TDRD3: variants seen among roughly 807,000 people sequenced by gnomAD.
TDRD3 encodes tudor domain containing 3, also known as tudor domain-containing protein 3.
A neutral mutation model predicts 86.7 loss-of-function variants in TDRD3; 45 were observed. That is an observed-to-expected ratio of 0.52 (90% CI 0.41 to 0.67). TDRD3 has a LOEUF of 0.67. Among genes scored for constraint, TDRD3 ranks in the 30% least tolerant of loss-of-function variants. The probability of loss-of-function intolerance (pLI) is 0.00; values close to 1 mark genes in which losing one functional copy is unlikely to be tolerated. For synonymous variants in TDRD3, 298 were observed against 301.7 expected, an observed-to-expected ratio of 0.99 and a Z score of 0.13; for missense variants, 814 against 889.0, an observed-to-expected ratio of 0.92 and a Z score of 1.07.
At chr13:60,492,917 CTTTTTT>C (rs71199004) in intron 7 of TDRD3, among the ~76,000 whole-genome samples, 1 of 115,470 alleles carries the variant, frequency 8.7e-6, no homozygotes, top group South Asian at 2.9e-4. Flanking sequence ...TCTTTCTTTT[CTTTTTT>C]TTTTTTTTTT....
chr13:60,569,388 A>T (rs527830049), intron 13 of TDRD3, among the ~76,000 whole-genome samples: 1 of 152,314 alleles, frequency 6.6e-6, no homozygotes, highest in South Asian at 2.1e-4. Context: ...CTCTACAATG[A>T]AAACTGTAAA....
At chr13:60,412,783 T>C (rs1954396532) in intron 1 of TDRD3, among the ~76,000 whole-genome samples, 2 of 152,152 alleles carry the variant, frequency 1.3e-5, no homozygotes, top group Admixed American at 1.3e-4. Context: ...TAGTGGTCTT[T>C]TAAAATGGTT....
intron 12 of TDRD3, among the ~76,000 whole-genome samples, chr13:60,553,710 C>A (rs1336703036): frequency 6.6e-6 from 1 of 152,094 alleles, no homozygotes; most frequent in Non-Finnish European, 1.5e-5. Context: ...AAACCATCAG[C>A]TCTCATGAGA....
intron 5 of TDRD3, among the ~76,000 whole-genome samples, chr13:60,467,774 A>G (rs1036611552): frequency 1.3e-5 from 2 of 152,202 alleles, no homozygotes; most frequent in African/African-American, 2.4e-5. Context: ...ATTTCACTGT[A>G]ATGGAGGAGT....
intron 1 of TDRD3, among the ~76,000 whole-genome samples, chr13:60,415,192 A>G (rs1201732922): frequency 3.3e-5 from 5 of 152,062 alleles, no homozygotes; most frequent in Non-Finnish European, 5.9e-5. Flanking sequence ...GAAGGGCCTA[A>G]TGAGATCCTG....
chr13:60,428,521 C>T (rs1954868236), intron 1 of TDRD3, among the ~76,000 whole-genome samples: 1 of 152,080 alleles, frequency 6.6e-6, no homozygotes, highest in South Asian at 2.1e-4. Context: ...TTTTATCGTG[C>T]ATAGCACAAG....
At chr13:60,497,573 C>T (rs1443494232) in intron 8 of TDRD3, among the ~76,000 whole-genome samples, 1 of 152,232 alleles carries the variant, frequency 6.6e-6, no homozygotes, top group East Asian at 1.9e-4. Context: ...GGAGAAAAAG[C>T]TGAAATTGTG....
chr13:60,523,841 T>G (rs1957344878), intron 10 of TDRD3, among the ~76,000 whole-genome samples: 2 of 152,176 alleles, frequency 1.3e-5, no homozygotes, highest in South Asian at 4.1e-4. Flanking sequence ...CATCCCAAAG[T>G]GCTGGGATTA....
intron 1 of TDRD3, among the ~76,000 whole-genome samples, chr13:60,406,648 A>T (rs1368909687): frequency 2.0e-5 from 3 of 152,190 alleles, no homozygotes; most frequent in Admixed American, 6.5e-5. Flanking sequence ...AAGCTTTAGA[A>T]TGCATTATAA....
intron 1 of TDRD3, among the ~76,000 whole-genome samples, chr13:60,411,598 T>G (rs1463866946): frequency 6.6e-6 from 1 of 151,996 alleles, no homozygotes; most frequent in Non-Finnish European, 1.5e-5. Flanking sequence ...TTTTTTTTGG[T>G]TTTTCTTTTT....
chr13:60,469,425 CACACACACAT>C (rs1370609264), intron 5 of TDRD3, among the ~76,000 whole-genome samples: 18 of 150,446 alleles, frequency 1.2e-4, no homozygotes, highest in Non-Finnish European at 8.9e-5. Context: ...CACCAACACA[CACACACACAT>C]ACACACACAC....
chr13:60,478,387 C>A (rs1566226618), intron 5 of TDRD3, among the ~76,000 whole-genome samples: 1 of 144,704 alleles, frequency 6.9e-6, no homozygotes, highest in Non-Finnish European at 1.5e-5. Context: ...TCACTGCAGC[C>A]TTCAACTCCA....
intron 8 of TDRD3, among the ~76,000 whole-genome samples, chr13:60,509,071 A>G (rs932945425): frequency 3.3e-5 from 5 of 152,224 alleles, no homozygotes; most frequent in African/African-American, 1.2e-4. Flanking sequence ...AAACATGTTA[A>G]CTATTAGATG....
intron 1 of TDRD3, among the ~76,000 whole-genome samples, chr13:60,418,810 T>C (rs1298002572): frequency 1.3e-5 from 2 of 152,204 alleles, no homozygotes; most frequent in African/African-American, 4.8e-5. Flanking sequence ...AATTGGATAT[T>C]ATAAAAATGG....
intron 4 of TDRD3, 91 bp from the exon 5 acceptor site, chr13:60,467,147 G>T (rs1431118890): frequency 4.1e-6 from 6 of 1,477,648 alleles, no homozygotes; most frequent in Non-Finnish European, 5.5e-6. Flanking sequence ...CTACCCCACT[G>T]CCTGACAGGC....
chr13:60,441,756 A>G (rs530749679), intron 2 of TDRD3, among the ~76,000 whole-genome samples: 3 of 152,224 alleles, frequency 2.0e-5, no homozygotes, highest in South Asian at 4.2e-4. Context: ...TCTTCTTTCT[A>G]TGGGGTAGAC....
chr13:60,462,584 A>T (rs1181528550), intron 4 of TDRD3, among the ~76,000 whole-genome samples: 1 of 152,096 alleles, frequency 6.6e-6, no homozygotes, highest in Non-Finnish European at 1.5e-5. Context: ...GCTAATACGG[A>T]TGTGTTACCT....
Position 60,510,669 on chromosome 13 carries a change from A to G in TDRD3, c.1055A>G (p.Glu352Gly), listed in dbSNP as rs765453201. The G allele has an allele frequency of 4.4e-6, 7 of 1,605,378 alleles. No homozygotes were observed. Among genetic ancestry groups the G allele is most frequent in the Middle Eastern group, 1.7e-4 (1 of 6,050 alleles). The change falls in exon 10 of 14, where the codon GAA (glutamate) becomes GGA (glycine). Residue 352 changes from glutamate to glycine, a missense_variant. Coordinates refer to ENST00000377881, the MANE Select transcript of TDRD3 (RefSeq NM_001146070.2). ...AGGGGGCGAATAAGATCTGAAGATG[A>G]AGAGGACCTGGGAAATGCAAGGCCA... ...KGRGRIRSED[E>G]EDLGNARPSA...
chr13:60,421,264 G>A lies in TDRD3; in HGVS notation c.42-18424G>A, dbSNP rs892845132. On this transcript the variant is annotated intron_variant, in intron 1 of 13. Coordinates refer to ENST00000377881, the MANE Select transcript of TDRD3 (RefSeq NM_001146070.2). ...AGGCCCCACAATCTTGGCAGAAGAC[G>A]AAGGAGGAGCAAAGGCACATCCTAC... Among the ~76,000 whole-genome samples the A allele has an allele frequency of 2.6e-5, 4 of 152,152 alleles. No individual in the cohort carries two copies. In the East Asian group the frequency reaches 5.8e-4, roughly 22 times the overall value.
Sources: gnomAD v4.1 joint callset for allele counts (sites outside exome capture counted in the v4.1 genomes callset) on GRCh38, gnomAD v4.1.1 for gene constraint, MANE v1.5 for transcripts, NCBI Gene and HGNC (gene_info 2026-07-23, HGNC 2026-07-21) for gene names.